Variants in PDE4B observed in about 807,000 individuals in gnomAD.
PDE4B encodes the protein phosphodiesterase 4B.
In PDE4B, 20 loss-of-function variants were observed where a neutral mutation model predicts 82.2. That is an observed-to-expected ratio of 0.24 (90% CI 0.17 to 0.35). The LOEUF (loss-of-function observed/expected upper bound fraction) is 0.35. Ranked by LOEUF, PDE4B falls within the 10% of genes least tolerant of loss-of-function variation. The pLI is 1.00. For synonymous variants in PDE4B, 320 were observed against 318.9 expected, an observed-to-expected ratio of 1.00 and a Z score of -0.04; for missense variants, 655 against 907.2, an observed-to-expected ratio of 0.72 and a Z score of 3.57.
At chr1:66,367,258 C>T (rs569879872) in intron 13 of PDE4B, among the ~76,000 whole-genome samples, 8 of 152,144 alleles carry the variant, frequency 5.3e-5, no homozygotes, top group South Asian at 4.1e-4. Flanking sequence ...TCACAATTGC[C>T]GGAGATTAGG....
chr1:66,219,580 A>AACC (rs1650794191), intron 3 of PDE4B, among the ~76,000 whole-genome samples: 2 of 152,136 alleles, frequency 1.3e-5, no homozygotes, highest in Non-Finnish European at 2.9e-5. Context: ...CTACCTTTGG[A>AACC]TTCTGCACCA....
rs185982693 is a variant in PDE4B, at chr1:65,837,223, G to A, written c.-71+43975G>A. Among the ~76,000 whole-genome samples the A allele has an allele frequency of 5.3e-3, 802 of 152,026 alleles. 5 individuals carry two copies. Among genetic ancestry groups the A allele is most frequent in the Non-Finnish European group, 5.9e-3 (403 of 67,980 alleles). On this transcript the variant is annotated intron_variant, in intron 1 of 16. Transcript: ENST00000341517. ...ATATATCATGTATTGTATATACAAA[G>A]GACAAAGGGCTTATCACATTTAAAT...
chr1:66,141,327 AATAT>A lies in PDE4B; in HGVS notation c.282-106096_282-106093del, dbSNP rs71058454. ...AGCAGTGCAGATAGAAAGCTTTGAG[AATAT>A]ATATATATATATATATATATATATA... is the stretch of plus-strand genomic sequence containing the variant. On this transcript the variant is annotated intron_variant, in intron 3 of 16. Transcript: ENST00000341517. 5.3e-3 allele frequency among the ~76,000 whole-genome samples: 484 copies of A among 91,434 alleles called. 10 individuals are homozygous for A. The highest frequency in any genetic ancestry group is 0.04 in the East Asian group (110 of 2,718). The allele number at this position is 91,434 out of a possible 152,430, so 60.0% of individuals were successfully genotyped here. A position where few individuals can be genotyped will look rare whatever the true frequency, so the allele number is the denominator to read the frequency against.
In PDE4B at chr1:65,864,938, G is replaced by C. The variant is rs142391079; in HGVS notation, c.-70-48307G>C. Among the ~76,000 whole-genome samples, 597 of 152,304 alleles carry C rather than the reference G, an allele frequency of 3.9e-3. 4 individuals are homozygous for C. Among genetic ancestry groups the C allele is most frequent in the South Asian group, 0.011 (51 of 4,828 alleles). On this transcript the variant is annotated intron_variant, in intron 1 of 16. Transcript: ENST00000341517. ...ATCAGTATCAGCTGCTCTCCTCAGAGCCCACAGGCAGGAACGTTTAAGTCC... is the reference window on the plus strand; with the variant it reads ...ATCAGTATCAGCTGCTCTCCTCAGACCCCACAGGCAGGAACGTTTAAGTCC...
intron 1 of PDE4B, among the ~76,000 whole-genome samples, chr1:65,890,214 A>T (rs1325121909): frequency 6.6e-6 from 1 of 152,068 alleles, no homozygotes; most frequent in Non-Finnish European, 1.5e-5. Context: ...TTTGACTTAA[A>T]TGAAATTTAA....
At chr1:65,888,995 G>T (rs969406280) in intron 1 of PDE4B, among the ~76,000 whole-genome samples, 6 of 152,064 alleles carry the variant, frequency 3.9e-5, no homozygotes, top group African/African-American at 1.4e-4. Context: ...CAGTGAGAGT[G>T]GGCATCCTTG....
intron 3 of PDE4B, among the ~76,000 whole-genome samples, chr1:65,926,914 G>C (rs948188035): frequency 1.3e-5 from 2 of 151,994 alleles, no homozygotes; most frequent in East Asian, 1.9e-4. Flanking sequence ...GAATTATACT[G>C]GACTGTTTGT....
At chr1:66,256,980 A>T (rs1334599956) in intron 4 of PDE4B, among the ~76,000 whole-genome samples, 1 of 152,190 alleles carries the variant, frequency 6.6e-6, no homozygotes, top group Non-Finnish European at 1.5e-5. Flanking sequence ...TTCTGAAAAC[A>T]CATTTTTGAC....
intron 3 of PDE4B, among the ~76,000 whole-genome samples, chr1:66,034,805 A>T (rs1653980028): frequency 6.6e-6 from 1 of 152,056 alleles, no homozygotes; most frequent in Non-Finnish European, 1.5e-5. Context: ...GTCTGCCCTG[A>T]CTTTTTCCTC....
chr1:65,885,657 A>G (rs1646765742), intron 1 of PDE4B, among the ~76,000 whole-genome samples: 1 of 151,980 alleles, frequency 6.6e-6, no homozygotes, highest in South Asian at 2.1e-4. Context: ...TTGGAATTGA[A>G]CAATGAGAAC....
At chr1:65,837,794 T>G (rs1057435466) in intron 1 of PDE4B, among the ~76,000 whole-genome samples, 2 of 141,110 alleles carry the variant, frequency 1.4e-5, no homozygotes, top group East Asian at 2.5e-4. Context: ...ATAGGTAAAC[T>G]TGTGTGTGTG....
chr1:66,238,460 G>C (rs17128615), intron 3 of PDE4B, among the ~76,000 whole-genome samples: 2,801 of 152,288 alleles, frequency 0.018, 86 homozygotes, highest in African/African-American at 0.065. Context: ...GATTGCTCTT[G>C]CTATGTGGAG....
chr1:66,101,205 C>T (rs966533814), intron 3 of PDE4B, among the ~76,000 whole-genome samples: 5 of 152,106 alleles, frequency 3.3e-5, no homozygotes, highest in African/African-American at 1.2e-4. Flanking sequence ...TGTATATGTG[C>T]CACATTTTCT....
At chr1:65,986,133 C>A (rs1349478324) in intron 3 of PDE4B, among the ~76,000 whole-genome samples, 1 of 152,024 alleles carries the variant, frequency 6.6e-6, no homozygotes, top group Non-Finnish European at 1.5e-5. Context: ...ATTTGACGTG[C>A]CAAATTTATT....
At chr1:66,046,775 C>A (rs1654739556) in intron 3 of PDE4B, among the ~76,000 whole-genome samples, 1 of 151,812 alleles carries the variant, frequency 6.6e-6, no homozygotes, top group Non-Finnish European at 1.5e-5. Flanking sequence ...AAATGTGTAA[C>A]ATTGCTTCAC....
intron 1 of PDE4B, among the ~76,000 whole-genome samples, chr1:65,855,842 G>A (rs1646386257): frequency 6.6e-6 from 1 of 152,032 alleles, no homozygotes; most frequent in Non-Finnish European, 1.5e-5. Context: ...TGTACAGAAC[G>A]TGGCTCTAGG....
chr1:66,330,933 G>C, intron 7 of PDE4B: 8 of 254,718 alleles, frequency 3.1e-5, no homozygotes, highest in Non-Finnish European at 4.9e-5. Context: ...AATGGAGGAA[G>C]TTACCTCCAG....
intron 1 of PDE4B, among the ~76,000 whole-genome samples, chr1:65,854,319 A>G (rs1646367860): frequency 6.6e-6 from 1 of 151,784 alleles, no homozygotes; most frequent in Non-Finnish European, 1.5e-5. Context: ...ATATTTCCTC[A>G]TATGTTTACA....
chr1:66,287,989 A>G (rs558383858), intron 7 of PDE4B, among the ~76,000 whole-genome samples: 57 of 152,188 alleles, frequency 3.7e-4, no homozygotes, highest in African/African-American at 1.3e-3. Context: ...AAACAAAACA[A>G]AAAACTGTAT....
Sources: allele counts gnomAD v4.1 joint callset (sites outside exome capture counted in the v4.1 genomes callset), GRCh38; gene constraint gnomAD v4.1.1; transcripts MANE v1.5; gene names NCBI Gene and HGNC (gene_info 2026-07-23, HGNC 2026-07-21).